The following COPG1 variants were observed in gnomAD, a reference collection of about 807,000 sequenced individuals.
COPG1 encodes coatomer subunit gamma-1.
A neutral mutation model predicts 102.8 loss-of-function variants in COPG1; 29 were observed. The ratio of observed to expected loss-of-function variants is 0.28; its 90% confidence interval spans 0.21 to 0.38. The LOEUF is 0.38. Ranked by LOEUF, COPG1 falls within the 10% of genes least tolerant of loss-of-function variation. The pLI is 1.00. For synonymous variants in COPG1, 406 were observed against 421.6 expected (o/e 0.96, Z 0.45); for missense variants, 875 against 1,132.7 (o/e 0.77, Z 3.27).
chr3:129,268,830 AG>A, intron 17 of COPG1, 101 bp from the exon 18 acceptor site: 1 of 1,200,750 alleles, frequency 8.3e-7, no homozygotes, highest in Non-Finnish European at 1.2e-6. Context: ...CACTCTCAGG[AG>A]GGTTAGTATT....
chr3:129,257,778 C>T lies in COPG1; in HGVS notation c.789C>T (p.His263=), dbSNP rs377596678. The T allele has an allele frequency of 6.2e-6, 10 of 1,614,034 alleles. No homozygotes were observed. Among genetic ancestry groups the T allele is most frequent in the Non-Finnish European group, 7.6e-6 (9 of 1,180,026 alleles). ...TCGAGAGCTGCTTGCGCAACAAGCA[C>T]GAGATGGTGGTGTATGAAGCCGCCT... ...DFIESCLRNK[H]EMVVYEAASA... is the part of the protein sequence containing the mutation. Residue 263 remains histidine (H), a synonymous_variant, in exon 10 of 24, where the codon CAC becomes CAT. Coordinates refer to ENST00000314797, the MANE Select transcript of COPG1 (RefSeq NM_016128.4).
intron 2 of COPG1, among the ~76,000 whole-genome samples, chr3:129,251,514 C>A (rs1488397251): frequency 6.6e-6 from 1 of 151,662 alleles, no homozygotes; most frequent in South Asian, 2.1e-4. Flanking sequence ...TCCCAAGTAG[C>A]CGGGACTACA....
chr3:129,257,983 G>A, intron 10 of COPG1, 123 bp downstream of exon 10: 1 of 1,243,312 alleles, frequency 8.0e-7, no homozygotes, highest in South Asian at 1.5e-5. Context: ...CTGTACCTAG[G>A]AAGCACCTGC....
intron 2 of COPG1, among the ~76,000 whole-genome samples, chr3:129,251,515 C>T (rs1376650329): frequency 1.3e-4 from 20 of 149,556 alleles, no homozygotes; most frequent in African/African-American, 3.7e-4. Context: ...CCCAAGTAGC[C>T]GGGACTACAG....
chr3:129,264,043 A>T (rs1441071265), intron 13 of COPG1, 44 bp downstream of exon 13: 1 of 1,508,982 alleles, frequency 6.6e-7, no homozygotes, highest in Non-Finnish European at 9.2e-7. Context: ...CTCCTGGTGC[A>T]GGGAGTGACC....
At chr3:129,262,803 G>A (rs1447748241) in intron 12 of COPG1, among the ~76,000 whole-genome samples, 2 of 151,886 alleles carry the variant, frequency 1.3e-5, no homozygotes, top group Admixed American at 1.3e-4. Flanking sequence ...CAGATCACTT[G>A]AGATCAGCAG....
Position 129,272,801 on chromosome 3 carries a change from C to T in COPG1, c.2159-6C>T. On this transcript the variant is annotated splice_region_variant and splice_polypyrimidine_tract_variant and intron_variant, in intron 20 of 23. Transcript: ENST00000314797. ...ATCCTAACTACCCAGCCTCTCTTCCCCACAGTGGCCTGCACATTCAGCTGC... is the reference window on the plus strand; with the variant it reads ...ATCCTAACTACCCAGCCTCTCTTCCTCACAGTGGCCTGCACATTCAGCTGC... 1.2e-6 allele frequency: 2 copies of T among 1,604,582 alleles called. No individual in the cohort carries two copies. The highest frequency in any genetic ancestry group is 2.2e-5 in the East Asian group (1 of 44,700).
intron 21 of COPG1, chr3:129,274,087 C>T: frequency 2.2e-6 from 1 of 456,028 alleles, no homozygotes; most frequent in Non-Finnish European, 4.4e-6. Flanking sequence ...GATGGATGGA[C>T]CTTCCTTGAG....
intron 10 of COPG1, among the ~76,000 whole-genome samples, chr3:129,258,948 A>G (rs773562581): frequency 6.6e-6 from 1 of 152,174 alleles, no homozygotes; most frequent in African/African-American, 2.4e-5. Flanking sequence ...GCTTAGGGTG[A>G]GAAACCTGGA....
In COPG1 at chr3:129,254,811, T is replaced by G. The variant is rs1362606798; in HGVS notation, c.399+68T>G. The stretch of plus-strand genomic sequence containing the variant: ...GAGGCCTCGGCATCATCTTTTGCAT[T>G]CTTTGGGGTGTCCCCTATCACTGAG... On this transcript the variant is annotated intron_variant, in intron 6 of 23. Transcript: ENST00000314797. 25 of 1,443,512 alleles carry G rather than the reference T, an allele frequency of 1.7e-5. No individual in the cohort carries two copies. The East Asian group carries it at 5.1e-4, about 29-fold the overall frequency. 89.4% of individuals were successfully genotyped at this position (1,443,512 alleles called of 1,614,324 possible).
At chr3:129,273,451 T>C (rs1560068584) in intron 21 of COPG1, among the ~76,000 whole-genome samples, 1 of 152,226 alleles carries the variant, frequency 6.6e-6, no homozygotes, top group African/African-American at 2.4e-5. Flanking sequence ...CTTAGAGTTA[T>C]TTTTGGGGGG....
At position 129,252,624 on chromosome 3, in the gene COPG1, G is replaced by T. The variant is rs2107672487; in HGVS notation, c.173G>T (p.Gly58Val). ...AGACTTCTTTCTTGATTAACACAGG[G>T]GGAGCACCTGGGGACCACGGAAGCG... Reference protein sequence around the residue: ...LTKILYLINQGEHLGTTEATE... With the variant: ...LTKILYLINQVEHLGTTEATE... Residue 58 changes from glycine (G) to valine (V), a missense_variant and splice_region_variant, in exon 4 of 24, where the codon GGG becomes GTG. Transcript: ENST00000314797. The T allele has an allele frequency of 1.9e-6, 3 of 1,613,706 alleles. No homozygotes were observed. Among genetic ancestry groups the T allele is most frequent in the Non-Finnish European group, 2.5e-6 (3 of 1,179,640 alleles).
chr3:129,254,603 G>A, intron 5 of COPG1, 65 bp from the exon 6 acceptor site: 1 of 1,230,682 alleles, frequency 8.1e-7, no homozygotes, highest in Non-Finnish European at 1.2e-6. Context: ...GGGTGGTGTT[G>A]GGAGCTGGAG....
In COPG1 at chr3:129,277,761, T is replaced by C. The variant is rs1940308931; in HGVS notation, c.*337T>C. ...ATCTTATCCCTGTAATAAATCAGCA[T>C]GTATTTATTGAATGATTGCTACTTC... On this transcript the variant is annotated 3_prime_UTR_variant, in exon 24 of 24. Coordinates refer to ENST00000314797, the MANE Select transcript of COPG1 (RefSeq NM_016128.4). 7.8e-6 allele frequency: 2 copies of C among 255,082 alleles called. No homozygotes were observed. Among genetic ancestry groups the C allele is most frequent in the South Asian group, 8.9e-5 (2 of 22,540 alleles). The allele number at this position is 255,082 out of a possible 1,614,324, so 15.8% of individuals were successfully genotyped here.
In COPG1 at chr3:129,257,607, G is replaced by A; in HGVS notation, c.717G>A (p.Gln239=). The A allele has an allele frequency of 5.6e-6, 9 of 1,614,232 alleles. No individual in the cohort carries two copies. The highest frequency in any genetic ancestry group is 7.6e-6 in the Non-Finnish European group (9 of 1,180,042). Residue 239 remains glutamine, a synonymous_variant, in exon 9 of 24, where the codon CAG becomes CAA. Transcript: ENST00000314797. ...TGATGATCCGGGTGGCCAGCAAGCA[G>A]CTGGAAGAGGAGGATGGCAGGTAAC... ...YCMMIRVASK[Q]LEEEDGSRDS... is the part of the protein sequence containing the mutation.
Position 129,267,067 on chromosome 3 carries a change from G to C in COPG1, c.1512G>C (p.Glu504Asp). 6.2e-7 allele frequency: 1 copy of C among 1,613,914 alleles called. No individual in the cohort carries two copies. Residue 504 changes from glutamate (E) to aspartate (D), a missense_variant, in exon 15 of 24, where the codon GAG becomes GAC. Glu to Asp is a conservative substitution (Grantham distance 45). Transcript: ENST00000314797. ...ALAKFGAQNEEMLPSILVLLK... is the reference protein window; with the variant it reads ...ALAKFGAQNEDMLPSILVLLK... ...CGAAGTTTGGAGCCCAGAATGAAGA[G>C]ATGTTACCCAGTATCTTGGTGTTGC...
rs6792466 is a variant in COPG1, at chr3:129,257,028, C to T, written c.580-442C>T. 3.6e-3 allele frequency among the ~76,000 whole-genome samples: 541 copies of T among 152,336 alleles called. 2 individuals carry two copies. Among genetic ancestry groups the T allele is most frequent in the African/African-American group, 0.012 (498 of 41,580 alleles). ...AAGTCAGCAAAGATTAAACTGTCTA[C>T]CTTCAGGGTTGTTGTGGGTAATGCA... On this transcript the variant is annotated intron_variant, in intron 8 of 23. Transcript: ENST00000314797.
At chr3:129,257,904 C>G in intron 10 of COPG1, 44 bp downstream of exon 10, 1 of 1,602,914 alleles carries the variant, frequency 6.2e-7, no homozygotes, top group South Asian at 1.1e-5. Context: ...TTTATGCTTG[C>G]TGGGAACTAG....
chr3:129,254,305 A>G (rs1323348303), intron 5 of COPG1: 1 of 177,016 alleles, frequency 5.6e-6, no homozygotes, highest in Admixed American at 6.0e-5. Context: ...CAAAAAAAAA[A>G]AGAGTAGGAC....
Sources: allele counts gnomAD v4.1 joint callset (sites outside exome capture counted in the v4.1 genomes callset), GRCh38; gene constraint gnomAD v4.1.1; transcripts MANE v1.5; gene names NCBI Gene and HGNC (gene_info 2026-07-23, HGNC 2026-07-21).